The following PTPRD variants were observed in gnomAD, a reference collection of about 807,000 sequenced individuals.
The protein encoded by PTPRD is protein tyrosine phosphatase receptor type D.
In PTPRD, 34 loss-of-function variants were observed where a neutral mutation model predicts 214.5. The ratio of observed to expected loss-of-function variants is 0.16; its 90% CI spans 0.12 to 0.21. PTPRD has a LOEUF of 0.21. PTPRD is among the 10% of genes least tolerant of loss of function. The pLI, the probability that PTPRD is intolerant of heterozygous loss-of-function variation, is 1.00. For synonymous variants in PTPRD, 1,128 were observed against 845.7 expected, an observed-to-expected ratio of 1.33 and a Z score of -5.79; for missense variants, 2,545 against 2,398.7, an observed-to-expected ratio of 1.06 and a Z score of -1.27.
chr9:9,286,470 G>A (rs1050422404), intron 9 of PTPRD, among the ~76,000 whole-genome samples: 3 of 151,518 alleles, frequency 2.0e-5, no homozygotes, highest in African/African-American at 7.3e-5. Flanking sequence ...CAATCATTTT[G>A]TAATTATCGC....
At chr9:9,175,754 G>A (rs78614489) in intron 10 of PTPRD, among the ~76,000 whole-genome samples, 235 of 151,384 alleles carry the variant, frequency 1.6e-3, no homozygotes, top group African/African-American at 5.3e-3. Context: ...TATTTCTACC[G>A]GCCCAAGTAC....
intron 5 of PTPRD, among the ~76,000 whole-genome samples, chr9:9,900,526 G>T (rs4375062): frequency 0.21 from 32,441 of 151,818 alleles, 3,834 homozygotes; most frequent in African/African-American, 0.31. Flanking sequence ...GGTCACAAGC[G>T]CAAGTCTCTA....
chr9:10,460,521 A>AG (rs1458278832), intron 2 of PTPRD, among the ~76,000 whole-genome samples: 3 of 152,200 alleles, frequency 2.0e-5, no homozygotes, highest in Non-Finnish European at 4.4e-5. Flanking sequence ...ACTTGCATAC[A>AG]GATACACAGA....
intron 8 of PTPRD, among the ~76,000 whole-genome samples, chr9:9,534,140 G>A (rs1026718137): frequency 6.6e-6 from 1 of 151,994 alleles, no homozygotes; most frequent in Non-Finnish European, 1.5e-5. Context: ...CTCATACATC[G>A]TGTTGCTATA....
intron 14 of PTPRD, among the ~76,000 whole-genome samples, chr9:8,576,528 A>C (rs2092379491): frequency 6.6e-6 from 1 of 151,868 alleles, no homozygotes; most frequent in Admixed American, 6.6e-5. Flanking sequence ...AGGTCATAAT[A>C]ATTAGAGTTA....
chr9:10,430,452 T>C (rs1021400654), intron 2 of PTPRD, among the ~76,000 whole-genome samples: 2 of 152,032 alleles, frequency 1.3e-5, no homozygotes, highest in Admixed American at 6.6e-5. Context: ...ATGTATATAA[T>C]GAAAATAAAT....
intron 10 of PTPRD, among the ~76,000 whole-genome samples, chr9:9,019,906 G>A (rs938957775): frequency 1.3e-5 from 2 of 151,986 alleles, no homozygotes; most frequent in African/African-American, 4.8e-5. Flanking sequence ...TTGGAAGAGT[G>A]GAAATGAAGA....
intron 39 of PTPRD, among the ~76,000 whole-genome samples, chr9:8,362,930 T>G (rs2078870602): frequency 6.6e-6 from 1 of 152,138 alleles, no homozygotes; most frequent in Admixed American, 6.5e-5. Flanking sequence ...TCAGAGTTGT[T>G]TTTATTAAGA....
chr9:10,258,796 T>C (rs1051791869), intron 3 of PTPRD, among the ~76,000 whole-genome samples: 1 of 152,194 alleles, frequency 6.6e-6, no homozygotes, highest in Non-Finnish European at 1.5e-5. Flanking sequence ...AACAAGTGGT[T>C]AAAAATTCAG....
intron 7 of PTPRD, among the ~76,000 whole-genome samples, chr9:9,662,701 TA>T (rs1475726324): frequency 1.3e-5 from 2 of 151,636 alleles, no homozygotes; most frequent in African/African-American, 4.8e-5. Flanking sequence ...TTTCTAAAAA[TA>T]ACTAGACAAC....
chr9:9,524,808 A>G (rs2154258642), intron 8 of PTPRD, among the ~76,000 whole-genome samples: 1 of 152,194 alleles, frequency 6.6e-6, no homozygotes, highest in South Asian at 2.1e-4. Context: ...ATAATTTACT[A>G]ATTTTGGATT....
chr9:10,582,121 A>C (rs1015103018), intron 2 of PTPRD, among the ~76,000 whole-genome samples: 17 of 152,160 alleles, frequency 1.1e-4, no homozygotes, highest in African/African-American at 4.1e-4. Flanking sequence ...CCCAGAAATT[A>C]GGGTATGTCA....
At chr9:8,719,629 C>T (rs995117336) in intron 12 of PTPRD, among the ~76,000 whole-genome samples, 1 of 152,052 alleles carries the variant, frequency 6.6e-6, no homozygotes, top group Admixed American at 6.6e-5. Context: ...ACTGTTTTAC[C>T]CATTTATTTT....
chr9:8,588,658 T>C (rs1332968466), intron 14 of PTPRD, among the ~76,000 whole-genome samples: 3 of 152,174 alleles, frequency 2.0e-5, no homozygotes, highest in African/African-American at 7.2e-5. Flanking sequence ...CAGGCATGTG[T>C]ACACCTGTGC....
At chr9:8,587,004 G>A (rs1042492667) in intron 14 of PTPRD, among the ~76,000 whole-genome samples, 5 of 151,954 alleles carry the variant, frequency 3.3e-5, no homozygotes, top group Non-Finnish European at 1.5e-5. Context: ...AAAATTATGC[G>A]GGCATGGTGG....
chr9:10,402,792 C>T (rs1305370283), intron 2 of PTPRD, among the ~76,000 whole-genome samples: 4 of 151,540 alleles, frequency 2.6e-5, no homozygotes, highest in African/African-American at 9.7e-5. Context: ...CTAAGGTCTC[C>T]AGTCATCTAA....
intron 5 of PTPRD, among the ~76,000 whole-genome samples, chr9:9,919,524 T>C (rs2081955499): frequency 6.6e-6 from 1 of 152,138 alleles, no homozygotes; most frequent in Non-Finnish European, 1.5e-5. Context: ...TCAAATGAAG[T>C]ACACTTAAGA....
chr9:9,437,461 G>T (rs1000604657), intron 8 of PTPRD, among the ~76,000 whole-genome samples: 1 of 151,896 alleles, frequency 6.6e-6, no homozygotes, highest in African/African-American at 2.4e-5. Flanking sequence ...TTATGCCCAT[G>T]TCAAAGGGTC....
At chr9:9,483,432 G>T (rs2095499568) in intron 8 of PTPRD, among the ~76,000 whole-genome samples, 1 of 152,118 alleles carries the variant, frequency 6.6e-6, no homozygotes. Context: ...GAAATTAGAT[G>T]CCAATCATTT....
Sources: allele counts gnomAD v4.1 joint callset (sites outside exome capture counted in the v4.1 genomes callset), GRCh38; gene constraint gnomAD v4.1.1; transcripts MANE v1.5; gene names NCBI Gene and HGNC (gene_info 2026-07-23, HGNC 2026-07-21).